The following NAPA variants were observed in gnomAD, a reference collection of about 807,000 sequenced individuals.
NAPA encodes the protein NSF attachment protein alpha, also known as alpha-soluble NSF attachment protein.
NAPA carries 18 observed loss-of-function variants against 48.0 expected under a neutral mutation model. That is an observed-to-expected ratio of 0.38 (90% confidence interval 0.26 to 0.56). NAPA has a LOEUF of 0.56. NAPA is among the 20% of genes least tolerant of loss of function. NAPA has a pLI of 0.77. For synonymous variants in NAPA, 152 were observed against 149.9 expected (o/e 1.01, Z -0.10); for missense variants, 315 against 385.0 (o/e 0.82, Z 1.52).
intron 9 of NAPA, 132 bp downstream of exon 9, chr19:47,490,646 CAAACAAAACA>C (rs55712853): frequency 2.7e-5 from 14 of 524,010 alleles, no homozygotes; most frequent in Admixed American, 3.5e-5. Context: ...CTCAAATGGC[CAAACAAAACA>C]AAACAAAACA....
rs2122720841 is a variant in NAPA, at chr19:47,489,651, C to A, written c.786+60G>T. 9 of 1,580,048 alleles carry A rather than the reference C, an allele frequency of 5.7e-6. No homozygotes were observed. In the South Asian group the frequency reaches 1.0e-4, roughly 18 times the overall value. On this transcript the variant is annotated intron_variant, in intron 10 of 10. Coordinates refer to ENST00000263354, the MANE Select transcript of NAPA (RefSeq NM_003827.4). ...TCATGGAGAGCGTGTCTGAGAAGGG[C>A]AGCTTTCCTAGGAGACCCATCCCCG...
intron 3 of NAPA, among the ~76,000 whole-genome samples, chr19:47,499,466 T>G (rs994193929): frequency 6.6e-6 from 1 of 152,234 alleles, no homozygotes; most frequent in African/African-American, 2.4e-5. Context: ...AGGGTCTCCC[T>G]GGGTCATCAC....
chr19:47,486,920 G>C (rs528721317), downstream of NAPA, among the ~76,000 whole-genome samples: 65 of 152,272 alleles, frequency 4.3e-4, no homozygotes, highest in African/African-American at 1.6e-3. Flanking sequence ...CCCCTCCTCT[G>C]TGCAATTACT....
intron 8 of NAPA, 53 bp downstream of exon 8, chr19:47,491,962 G>A: frequency 6.6e-7 from 1 of 1,526,360 alleles, no homozygotes; most frequent in South Asian, 1.1e-5. Flanking sequence ...CTGGCCTGGA[G>A]ATAAGCACAT....
intron 4 of NAPA, chr19:47,495,324 T>C: frequency 1.7e-6 from 1 of 592,470 alleles, no homozygotes; most frequent in Non-Finnish European, 3.0e-6. Context: ...ATGAAAACCA[T>C]GACTGCCTGT....
intron 8 of NAPA, 125 bp downstream of exon 8, chr19:47,491,890 A>C: frequency 1.2e-6 from 1 of 815,220 alleles, no homozygotes; most frequent in South Asian, 1.6e-5. Context: ...TCTCATCCAA[A>C]GGCTGGCTGG....
At chr19:47,498,539 C>T (rs1968491022) in intron 3 of NAPA, among the ~76,000 whole-genome samples, 1 of 152,232 alleles carries the variant, frequency 6.6e-6, no homozygotes, top group South Asian at 2.1e-4. Context: ...CCAGACCACC[C>T]ACCACCTGCG....
chr19:47,487,229 C>T (rs956913345), downstream of NAPA, among the ~76,000 whole-genome samples: 3 of 152,220 alleles, frequency 2.0e-5, no homozygotes, highest in African/African-American at 7.2e-5. Flanking sequence ...GTCACCGGGG[C>T]GTTCAGCCTT....
intron 1 of NAPA, among the ~76,000 whole-genome samples, chr19:47,511,457 C>T (rs1344468371): frequency 3.3e-5 from 5 of 152,190 alleles, no homozygotes; most frequent in Admixed American, 3.3e-4. Context: ...CTGAGATGAA[C>T]ACACCAGCTC....
chr19:47,494,452 A>G (rs1039785965), intron 4 of NAPA, among the ~76,000 whole-genome samples: 1 of 152,028 alleles, frequency 6.6e-6, no homozygotes, highest in Non-Finnish European at 1.5e-5. Context: ...GGCAAAAAGG[A>G]GCTGGCCAGG....
intron 3 of NAPA, among the ~76,000 whole-genome samples, chr19:47,498,104 C>T (rs1968477296): frequency 6.6e-6 from 1 of 152,236 alleles, no homozygotes; most frequent in Admixed American, 6.5e-5. Context: ...TTCGGGAGCC[C>T]AGTCGGGCCT....
rs760072222 is a variant in NAPA, at chr19:47,503,475, G to A, written c.126C>T (p.Cys42=). The A allele has an allele frequency of 3.2e-5, 51 of 1,614,060 alleles. No homozygotes were observed. The highest frequency in any genetic ancestry group is 4.2e-5 in the Non-Finnish European group (49 of 1,180,024). ...TGTTTGCTGCTCTGGCGTAGATTTC[G>A]CATGCTTCCTCTATTTTGGATGAGC... ...FGGSSKIEEA[C]EIYARAANMF... is the part of the protein sequence containing the mutation. Residue 42 remains cysteine, a synonymous_variant, in exon 2 of 11, where the codon TGC becomes TGT. Transcript: ENST00000263354.
chr19:47,488,072 CA>C lies in NAPA; in HGVS notation c.*215del. ...ACCTATGGGGGCTTAAATAAATGGACAGGGGGCAAGGGATGTAGCGAGAACA... is the reference window on the plus strand; with the variant it reads ...ACCTATGGGGGCTTAAATAAATGGACGGGGGCAAGGGATGTAGCGAGAACA... On this transcript the variant is annotated 3_prime_UTR_variant, in exon 11 of 11. Coordinates refer to ENST00000263354, the MANE Select transcript of NAPA (RefSeq NM_003827.4). 2 of 507,506 alleles carry C rather than the reference CA, an allele frequency of 3.9e-6. No individual in the cohort carries two copies. The highest frequency in any genetic ancestry group is 1.9e-5 in the African/African-American group (1 of 51,716). The allele number at this position is 507,506 out of a possible 1,614,324, so 31.4% of individuals were successfully genotyped here. A position where few individuals can be genotyped will look rare whatever the true frequency, so the allele number is the denominator to read the frequency against.
intron 1 of NAPA, 46 bp downstream of exon 1, chr19:47,514,797 G>A: frequency 6.3e-7 from 1 of 1,575,158 alleles, no homozygotes; most frequent in Non-Finnish European, 8.7e-7. Context: ...TGACTCCTTC[G>A]TCCTCTCAGC....
intron 3 of NAPA, among the ~76,000 whole-genome samples, chr19:47,498,097 G>C (rs62128687): frequency 1.3e-5 from 2 of 152,310 alleles, no homozygotes; most frequent in South Asian, 4.1e-4. Context: ...AGAGGAATTC[G>C]GGAGCCCAGT....
intron 3 of NAPA, 124 bp downstream of exon 3, chr19:47,500,509 C>G: frequency 1.4e-6 from 1 of 717,272 alleles, no homozygotes; most frequent in African/African-American, 1.9e-5. Context: ...AGGCACGCCC[C>G]TGCCAGCCTA....
At chr19:47,487,017 C>T (rs560772949), downstream of NAPA, among the ~76,000 whole-genome samples, 3 of 152,190 alleles carry the variant, frequency 2.0e-5, no homozygotes, top group African/African-American at 7.2e-5. Context: ...GGGCCCTGCG[C>T]GGGGCAGGGT....
intron 10 of NAPA, 108 bp downstream of exon 10, chr19:47,489,603 G>A (rs1968183150): frequency 8.0e-7 from 1 of 1,256,042 alleles, no homozygotes; most frequent in Admixed American, 1.9e-5. Flanking sequence ...AGTGGGCTGG[G>A]GGCCAGATGA....
At chr19:47,503,585 C>A (rs1263036895) in intron 1 of NAPA, 83 bp from the exon 2 acceptor site, 2 of 1,317,194 alleles carry the variant, frequency 1.5e-6, no homozygotes, top group East Asian at 2.3e-5. Context: ...GTGCCGGGCA[C>A]AGACGTGCCC....
Sources: allele counts gnomAD v4.1 joint callset (sites outside exome capture counted in the v4.1 genomes callset), GRCh38; gene constraint gnomAD v4.1.1; transcripts MANE v1.5; gene names NCBI Gene and HGNC (gene_info 2026-07-23, HGNC 2026-07-21).